FSTL4: variants seen among roughly 807,000 people sequenced by gnomAD.
FSTL4 encodes the protein follistatin like 4.
In FSTL4, 28 loss-of-function variants were observed where a neutral mutation model predicts 78.2. That is an observed-to-expected ratio of 0.36 (90% CI 0.27 to 0.49). The LOEUF (loss-of-function observed/expected upper bound fraction) is 0.49. Among genes scored for constraint, FSTL4 ranks in the 20% least tolerant of loss-of-function variants. FSTL4 has a pLI of 0.98. For synonymous variants in FSTL4, 422 were observed against 440.5 expected (o/e 0.96, Z 0.53); for missense variants, 922 against 1,084.9 (o/e 0.85, Z 2.11).
At chr5:133,312,049 A>G (rs1324574320) in intron 6 of FSTL4, among the ~76,000 whole-genome samples, 2 of 152,186 alleles carry the variant, frequency 1.3e-5, no homozygotes, top group Admixed American at 1.3e-4. Flanking sequence ...CAAGTAAAAG[A>G]TACAGGTCCT....
intron 6 of FSTL4, among the ~76,000 whole-genome samples, chr5:133,258,033 C>A (rs1430032728): frequency 6.6e-6 from 1 of 152,166 alleles, no homozygotes; most frequent in African/African-American, 2.4e-5. Flanking sequence ...TGGAGAAGAG[C>A]AAACAGTTTT....
Position 133,336,061 on chromosome 5 carries a change from G to C in FSTL4, c.410-19409C>G, listed in dbSNP as rs371793693. ...TCATGAGCATGTGAATTACTACCGG[G>C]ACTTACTGTAACTCTAGATCCCAGA... On this transcript the variant is annotated intron_variant, in intron 4 of 15. Coordinates refer to ENST00000265342, the MANE Select transcript of FSTL4 (RefSeq NM_015082.2). Among the ~76,000 whole-genome samples the C allele has an allele frequency of 1.1e-4, 16 of 152,288 alleles. No individual in the cohort carries two copies. The East Asian group carries it at 2.7e-3, about 26-fold the overall frequency.
At chr5:133,808,105 T>C in the FSTL4 span, among the ~76,000 whole-genome samples, 1 of 152,246 alleles carries the variant, frequency 6.6e-6, no homozygotes, top group East Asian at 1.9e-4. Context: ...AGGCATGAAA[T>C]GTGAAATCCT....
At chr5:133,664,254 A>G in the FSTL4 span, among the ~76,000 whole-genome samples, 2 of 152,068 alleles carry the variant, frequency 1.3e-5, no homozygotes, top group African/African-American at 4.8e-5. Context: ...AACAGTGAGG[A>G]TGCTGTGGGC....
chr5:133,642,366 G>T, the FSTL4 span, among the ~76,000 whole-genome samples: 76 of 152,312 alleles, frequency 5.0e-4, no homozygotes, highest in African/African-American at 1.8e-3. Context: ...CAGTTCTGCA[G>T]TGTGGGTTTG....
At chr5:133,372,261 G>GTATC (rs1482819821) in intron 4 of FSTL4, among the ~76,000 whole-genome samples, 213 of 145,704 alleles carry the variant, frequency 1.5e-3, no homozygotes, top group African/African-American at 5.2e-3. Context: ...ATGTATGTAT[G>GTATC]TATGTATGTA....
the FSTL4 span, among the ~76,000 whole-genome samples, chr5:133,776,870 G>T: frequency 6.6e-6 from 1 of 152,166 alleles, no homozygotes; most frequent in Non-Finnish European, 1.5e-5. Flanking sequence ...TTTCACAGAG[G>T]AGGCCTGTAT....
At chr5:133,317,762 A>T (rs1753944335) in intron 4 of FSTL4, among the ~76,000 whole-genome samples, 1 of 152,228 alleles carries the variant, frequency 6.6e-6, no homozygotes, top group Non-Finnish European at 1.5e-5. Context: ...TGCCTCCCAC[A>T]AGGGGTTGTT....
chr5:133,225,751 A>T lies in FSTL4; in HGVS notation c.1084T>A (p.Cys362Ser). The change falls in exon 9 of 16, where the codon TGC becomes AGC. Residue 362 changes from cysteine (C) to serine (S), a missense_variant. By Grantham distance (112) the Cys-to-Ser change is moderately radical (BLOSUM62 -1). Coordinates refer to ENST00000265342, the MANE Select transcript of FSTL4 (RefSeq NM_015082.2). The surrounding 1 kb of genome is among the most constrained non-coding windows in gnomAD (Gnocchi z 4.6). ...QEPGVAASLR[C>S]HAEGIPMPRI... ...GGCATGGGAATGCCCTCAGCATGGC[A>T]TCTTAGGCTGGCTGCCACTCCAGGC... is the stretch of plus-strand genomic sequence containing the variant. 1 of 1,611,670 alleles carries T rather than the reference A, an allele frequency of 6.2e-7. No individual in the cohort carries two copies.
chr5:133,644,328 T>A, the FSTL4 span, among the ~76,000 whole-genome samples: 1 of 152,100 alleles, frequency 6.6e-6, no homozygotes, highest in Non-Finnish European at 1.5e-5. Flanking sequence ...TTTTTTTCTT[T>A]TTAACCCTGC....
the FSTL4 span, among the ~76,000 whole-genome samples, chr5:133,804,510 A>T: frequency 2.0e-5 from 3 of 152,144 alleles, no homozygotes; most frequent in Non-Finnish European, 4.4e-5. Context: ...TATATCTCTG[A>T]CCCCTAAACA....
chr5:133,346,983 T>G (rs1200773673), intron 4 of FSTL4, among the ~76,000 whole-genome samples: 1 of 152,192 alleles, frequency 6.6e-6, no homozygotes, highest in Non-Finnish European at 1.5e-5. Context: ...TGGAAATGTT[T>G]TATCAAGTCC....
At chr5:133,548,899 A>C (rs1360026320) in intron 3 of FSTL4, among the ~76,000 whole-genome samples, 1 of 152,208 alleles carries the variant, frequency 6.6e-6, no homozygotes, top group Non-Finnish European at 1.5e-5. Flanking sequence ...TAGGTCTAAA[A>C]TTCTAGATTG....
At chr5:133,399,420 C>G (rs74959129) in intron 4 of FSTL4, among the ~76,000 whole-genome samples, 1 of 152,190 alleles carries the variant, frequency 6.6e-6, no homozygotes, top group Non-Finnish European at 1.5e-5. Context: ...TTGTCATCAC[C>G]CGGTAAAGGC....
intron 3 of FSTL4, among the ~76,000 whole-genome samples, chr5:133,427,208 A>T (rs1194625290): frequency 6.6e-6 from 1 of 152,194 alleles, no homozygotes; most frequent in Non-Finnish European, 1.5e-5. Flanking sequence ...CATGGATAAC[A>T]ACTACTATCT....
chr5:133,267,181 T>C (rs1247142246), intron 6 of FSTL4, among the ~76,000 whole-genome samples: 1 of 151,796 alleles, frequency 6.6e-6, no homozygotes. Flanking sequence ...AGGGAGGAGA[T>C]GGGGTCTGGG....
intron 3 of FSTL4, among the ~76,000 whole-genome samples, chr5:133,468,650 C>A (rs1291094362): frequency 6.6e-6 from 1 of 152,198 alleles, no homozygotes; most frequent in Admixed American, 6.5e-5. Flanking sequence ...AGCTGCTCAG[C>A]AAGCCACACC....
rs771715013 is a variant in FSTL4, at chr5:133,201,971, G to C, written c.1788C>G (p.Phe596Leu). 6.2e-7 allele frequency: 1 copy of C among 1,611,422 alleles called. No homozygotes were observed. Among genetic ancestry groups the C allele is most frequent in the African/African-American group, 1.3e-5 (1 of 74,890 alleles). ...TGATGAGGTTTGTTGGGGGAATGAA[G>C]AAATCATCCACTCCTGCAAAGGGTG... ...IRTPFAGVDD[F>L]FIPPTNLIIN... Residue 596 changes from phenylalanine to leucine, a missense_variant, in exon 15 of 16, where the codon TTC (phenylalanine) becomes TTG (leucine). Transcript: ENST00000265342.
Position 133,312,752 on chromosome 5 carries a change from T to C in FSTL4, c.629A>G (p.Asp210Gly). 1 of 1,614,088 alleles carries C rather than the reference T, an allele frequency of 6.2e-7. No homozygotes were observed. Among genetic ancestry groups the C allele is most frequent in the Non-Finnish European group, 8.5e-7 (1 of 1,179,904 alleles). ...AQHVLKKQDL[D>G]EDLLGCSPGD... ...TGGTGAGCAACCAAGTAAGTCTTCA[T>C]CCAGGTCCTGCTTCTTCAGCACATG... Residue 210 changes from aspartate to glycine, a missense_variant, in exon 6 of 16, where the codon GAT becomes GGT. By Grantham distance (94) the Asp-to-Gly change is moderately conservative. Transcript: ENST00000265342.
Sources: allele counts gnomAD v4.1 joint callset (sites outside exome capture counted in the v4.1 genomes callset), GRCh38; gene constraint gnomAD v4.1.1; non-coding constraint Gnocchi (gnomAD v3.1); transcripts MANE v1.5; gene names NCBI Gene and HGNC (gene_info 2026-07-23, HGNC 2026-07-21).